The following ASCC3 variants were observed in gnomAD, a reference collection of about 807,000 sequenced individuals.
ASCC3 encodes the protein activating signal cointegrator 1 complex subunit 3.
In ASCC3, 158 loss-of-function variants were observed where a neutral mutation model predicts 256.3. That is an observed-to-expected ratio of 0.62 (90% CI 0.54 to 0.70). ASCC3 has a LOEUF of 0.70. ASCC3 is among the 30% of genes least tolerant of loss of function. The pLI is 0.00. For missense variants in ASCC3, 2,259 were observed against 2,626.0 expected (o/e 0.86, Z 3.05); for synonymous variants, 948 against 883.4 (o/e 1.07, Z -1.30).
At chr6:100,523,059 A>G (rs563637462) in intron 37 of ASCC3, among the ~76,000 whole-genome samples, 3 of 150,302 alleles carry the variant, frequency 2.0e-5, no homozygotes, top group South Asian at 2.1e-4. Flanking sequence ...TAAGCAAATA[A>G]TAAGTTTGGA....
intron 1 of ASCC3, among the ~76,000 whole-genome samples, chr6:100,868,801 CAGAAA>C (rs1464187035): frequency 6.6e-6 from 1 of 151,828 alleles, no homozygotes; most frequent in Non-Finnish European, 1.5e-5. Context: ...GACAACAGGC[CAGAAA>C]AGAAAACAGC....
intron 36 of ASCC3, among the ~76,000 whole-genome samples, chr6:100,566,557 A>T (rs757273968): frequency 1.3e-5 from 2 of 152,174 alleles, no homozygotes; most frequent in African/African-American, 2.4e-5. Flanking sequence ...CCCACTATCC[A>T]ACAGCAACCT....
chr6:100,559,239 C>A (rs1769794858), intron 36 of ASCC3, among the ~76,000 whole-genome samples: 1 of 152,142 alleles, frequency 6.6e-6, no homozygotes, highest in South Asian at 2.1e-4. Context: ...AGGAACTACA[C>A]ATTATCATGT....
At chr6:100,551,631 A>T (rs1055200220) in intron 36 of ASCC3, among the ~76,000 whole-genome samples, 2 of 152,038 alleles carry the variant, frequency 1.3e-5, no homozygotes, top group Admixed American at 1.3e-4. Context: ...ATAATTAAAC[A>T]TATGCTTTTG....
chr6:100,710,980 C>G (rs1170806168), intron 13 of ASCC3, among the ~76,000 whole-genome samples: 3 of 152,042 alleles, frequency 2.0e-5, no homozygotes, highest in Non-Finnish European at 4.4e-5. Context: ...AAACTATTTA[C>G]TCATATAAGC....
chr6:100,614,406 C>T (rs1039633769), intron 30 of ASCC3, among the ~76,000 whole-genome samples: 5 of 152,168 alleles, frequency 3.3e-5, no homozygotes, highest in African/African-American at 1.2e-4. Flanking sequence ...TGTTGCTATA[C>T]AATCACAGTA....
rs1043455917 is a variant in ASCC3, at chr6:100,843,923, T to A, written c.801+4225A>T. 4.5e-4 allele frequency among the ~76,000 whole-genome samples: 68 copies of A among 151,978 alleles called. 1 individual carries two copies. The highest frequency in any genetic ancestry group is 3.9e-4 in the Admixed American group (6 of 15,228). On this transcript the variant is annotated intron_variant, in intron 4 of 41. Transcript: ENST00000369162. ...CTGTGCAACTATATGGTGCAAACAC[T>A]TGAGAACCTGGTCTGTGAAACATTA...
At chr6:100,531,743 G>A (rs767519774) in intron 37 of ASCC3, among the ~76,000 whole-genome samples, 4 of 152,016 alleles carry the variant, frequency 2.6e-5, no homozygotes, top group South Asian at 2.1e-4. Flanking sequence ...ACTAGTCTGC[G>A]CTTACCTTAC....
intron 8 of ASCC3, among the ~76,000 whole-genome samples, chr6:100,774,387 A>G (rs1192249881): frequency 6.6e-6 from 1 of 151,068 alleles, no homozygotes; most frequent in Non-Finnish European, 1.5e-5. Flanking sequence ...TTTTTCGGAG[A>G]TGCACTCTCA....
chr6:100,655,670 A>ATT, intron 17 of ASCC3, 29 bp downstream of exon 17: 1 of 1,527,102 alleles, frequency 6.5e-7, no homozygotes, highest in Non-Finnish European at 8.9e-7. Flanking sequence ...GAAGGTCTGA[A>ATT]TTTTTTTTTT....
At chr6:100,725,428 G>T (rs750841164) in intron 11 of ASCC3, 111 bp downstream of exon 11, 11 of 1,169,044 alleles carry the variant, frequency 9.4e-6, no homozygotes, top group South Asian at 4.0e-5. Context: ...TGAAGATTAT[G>T]TCAATATTAG....
In ASCC3 at chr6:100,546,449, C is replaced by G. The variant is rs546118378; in HGVS notation, c.5551-6062G>C. On this transcript the variant is annotated intron_variant, in intron 36 of 41. Transcript: ENST00000369162. Reference sequence around the variant, plus strand: ...GGATAAAAAGACCAACGTTGAAGAGCTAGCCCTACATTATTTTTTTTTATA... The same window carrying G: ...GGATAAAAAGACCAACGTTGAAGAGGTAGCCCTACATTATTTTTTTTTATA... Among the ~76,000 whole-genome samples the G allele has an allele frequency of 2.3e-4, 35 of 152,226 alleles. No homozygotes were observed. The South Asian group carries it at 6.6e-3, about 29-fold the overall frequency.
chr6:100,832,233 C>A (rs1330856931), intron 4 of ASCC3, among the ~76,000 whole-genome samples: 2 of 152,002 alleles, frequency 1.3e-5, no homozygotes, highest in African/African-American at 2.4e-5. Flanking sequence ...AAAGGAATAA[C>A]AAAAAGACTG....
At position 100,650,308 on chromosome 6, in the gene ASCC3, C is replaced by T. The variant is rs1775597407; in HGVS notation, c.3252+230G>A. Among the ~76,000 whole-genome samples, 4 of 151,388 alleles carry T rather than the reference C, an allele frequency of 2.6e-5. 1 individual carries two copies. In the South Asian group the frequency reaches 6.3e-4, roughly 24 times the overall value. On this transcript the variant is annotated intron_variant, in intron 20 of 41. Coordinates refer to ENST00000369162, the MANE Select transcript of ASCC3 (RefSeq NM_006828.4). ...TATCATTTTAAAACTTTGTAAGAAA[C>T]ATCAACATCACCAAAAAAAGCCCTA...
At chr6:100,623,412 A>G (rs73500987) in intron 30 of ASCC3, among the ~76,000 whole-genome samples, 3,111 of 152,284 alleles carry the variant, frequency 0.02, 105 homozygotes, top group African/African-American at 0.073. Context: ...GAACTAAGCA[A>G]AAACATTCTG....
chr6:100,868,671 A>G (rs1773594746), intron 1 of ASCC3, among the ~76,000 whole-genome samples: 1 of 152,236 alleles, frequency 6.6e-6, no homozygotes, highest in African/African-American at 2.4e-5. Flanking sequence ...AAAGATCTCT[A>G]TTTTACTAAT....
intron 4 of ASCC3, among the ~76,000 whole-genome samples, chr6:100,821,070 C>T (rs896921034): frequency 6.6e-6 from 1 of 152,176 alleles, no homozygotes; most frequent in African/African-American, 2.4e-5. Flanking sequence ...TGATCTGTCA[C>T]CCAGGCTGGA....
chr6:100,517,054 T>C (rs1042149742), intron 38 of ASCC3, among the ~76,000 whole-genome samples: 18 of 152,036 alleles, frequency 1.2e-4, no homozygotes, highest in Admixed American at 7.2e-4. Context: ...TCTGCCTTTC[T>C]CCCCATGCCA....
intron 16 of ASCC3, among the ~76,000 whole-genome samples, chr6:100,658,434 T>A (rs1436967315): frequency 6.6e-6 from 1 of 151,462 alleles, no homozygotes; most frequent in Non-Finnish European, 1.5e-5. Context: ...CTAATCATCA[T>A]GAGTATGCAT....
Sources: gnomAD v4.1 joint callset for allele counts (sites outside exome capture counted in the v4.1 genomes callset) on GRCh38, gnomAD v4.1.1 for gene constraint, MANE v1.5 for transcripts, NCBI Gene and HGNC (gene_info 2026-07-23, HGNC 2026-07-21) for gene names.